The following CFAP299 variants were observed in gnomAD, a reference collection of about 807,000 sequenced individuals.
CFAP299 encodes the protein cilia- and flagella-associated protein 299.
In CFAP299, 21 loss-of-function variants were observed where a neutral mutation model predicts 27.0. That is an observed-to-expected ratio of 0.78 (90% CI 0.55 to 1.12). The LOEUF is 1.12. Among genes scored for constraint, CFAP299 ranks in the 50% most tolerant of loss-of-function variants. CFAP299 has a pLI of 0.00. For missense variants in CFAP299, 310 were observed against 276.6 expected, an observed-to-expected ratio of 1.12 and a Z score of -0.86; for synonymous variants, 104 against 98.1, an observed-to-expected ratio of 1.06 and a Z score of -0.36.
intron 3 of CFAP299, among the ~76,000 whole-genome samples, chr4:80,839,041 T>G (rs1348492851): frequency 6.6e-6 from 1 of 152,200 alleles, no homozygotes; most frequent in East Asian, 1.9e-4. Context: ...GTTCTTTTAG[T>G]GCATACAAGC....
At chr4:80,891,047 A>G (rs1734247130) in intron 4 of CFAP299, among the ~76,000 whole-genome samples, 1 of 151,664 alleles carries the variant, frequency 6.6e-6, no homozygotes, top group Non-Finnish European at 1.5e-5. Context: ...TTTGCTGTGC[A>G]GAAGCTCTTT....
intron 3 of CFAP299, among the ~76,000 whole-genome samples, chr4:80,812,384 A>G (rs1212418906): frequency 6.6e-6 from 1 of 152,132 alleles, no homozygotes; most frequent in African/African-American, 2.4e-5. Flanking sequence ...CTAACATTAC[A>G]CATAAGAGAG....
intron 2 of CFAP299, among the ~76,000 whole-genome samples, chr4:80,495,789 A>G (rs1218683205): frequency 6.6e-6 from 1 of 152,232 alleles, no homozygotes; most frequent in Non-Finnish European, 1.5e-5. Context: ...GCATCTGCTC[A>G]GCTTCTAAGG....
chr4:80,336,015 C>T (rs960333786), intron 1 of CFAP299, 136 bp downstream of exon 1: 2 of 626,850 alleles, frequency 3.2e-6, no homozygotes, highest in African/African-American at 1.8e-5. Flanking sequence ...GACCGCGACA[C>T]TAAAGCCGCT....
chr4:80,440,603 A>G (rs1481430000), intron 2 of CFAP299, among the ~76,000 whole-genome samples: 2 of 152,236 alleles, frequency 1.3e-5, no homozygotes, highest in Non-Finnish European at 2.9e-5. Flanking sequence ...GATGAGGAAA[A>G]AACAGTGCAA....
intron 3 of CFAP299, among the ~76,000 whole-genome samples, chr4:80,799,976 T>C (rs1487408180): frequency 6.8e-5 from 4 of 58,548 alleles, no homozygotes; most frequent in Non-Finnish European, 1.1e-4. Context: ...ATTTATATAA[T>C]ATAATATATG....
chr4:80,591,132 A>ATT (rs1175732560), intron 3 of CFAP299, among the ~76,000 whole-genome samples: 2 of 68,084 alleles, frequency 2.9e-5, no homozygotes, highest in Admixed American at 2.0e-4. Flanking sequence ...TTTTTTTTTT[A>ATT]TTTTTTTTTG....
At chr4:80,436,357 GGCGCGATCTCA>G (rs1728076793) in intron 2 of CFAP299, among the ~76,000 whole-genome samples, 1 of 149,256 alleles carries the variant, frequency 6.7e-6, no homozygotes, top group South Asian at 2.1e-4. Flanking sequence ...GGAGTGCAGT[GGCGCGATCTCA>G]GCTCACTGTA....
intron 3 of CFAP299, among the ~76,000 whole-genome samples, chr4:80,869,146 G>T (rs185320418): frequency 6.6e-6 from 1 of 152,200 alleles, no homozygotes; most frequent in East Asian, 1.9e-4. Context: ...TATAATTTGT[G>T]CTGCATAAAT....
At chr4:80,335,630 C>A (rs1722091161), upstream of CFAP299, 4 of 671,522 alleles carry the variant, frequency 6.0e-6, no homozygotes, top group South Asian at 6.2e-5. Context: ...ACAGAAACTG[C>A]AACAAACCGC....
At chr4:80,511,591 C>T (rs1732305795) in intron 2 of CFAP299, among the ~76,000 whole-genome samples, 1 of 152,018 alleles carries the variant, frequency 6.6e-6, no homozygotes, top group Non-Finnish European at 1.5e-5. Flanking sequence ...TAGTTACTAA[C>T]AATGAAGGTA....
chr4:80,958,882 T>G (rs1738196766), intron 5 of CFAP299, among the ~76,000 whole-genome samples: 1 of 152,176 alleles, frequency 6.6e-6, no homozygotes. Context: ...AAGACTGTTC[T>G]TTGTTGAAGA....
At chr4:80,955,387 G>A (rs143722149) in intron 5 of CFAP299, among the ~76,000 whole-genome samples, 34 of 152,330 alleles carry the variant, frequency 2.2e-4, no homozygotes, top group African/African-American at 7.9e-4. Context: ...TTTACAAAGA[G>A]TTGTTGTGAA....
At chr4:80,384,135 C>G (rs1353334809) in intron 2 of CFAP299, among the ~76,000 whole-genome samples, 12 of 152,012 alleles carry the variant, frequency 7.9e-5, no homozygotes, top group Admixed American at 7.9e-4. Flanking sequence ...TTCCTTTATC[C>G]ATTCCTTACA....
intron 4 of CFAP299, among the ~76,000 whole-genome samples, chr4:80,925,327 G>T (rs907253766): frequency 3.3e-5 from 5 of 151,858 alleles, no homozygotes; most frequent in Non-Finnish European, 5.9e-5. Flanking sequence ...TATCTTACCT[G>T]CTTCTTAAGA....
intron 4 of CFAP299, among the ~76,000 whole-genome samples, chr4:80,902,507 T>C (rs1387307241): frequency 6.8e-6 from 1 of 146,304 alleles, no homozygotes; most frequent in East Asian, 2.0e-4. Context: ...TATGGATATA[T>C]ATCCATATGT....
chr4:80,855,767 C>T (rs1458061582), intron 3 of CFAP299, among the ~76,000 whole-genome samples: 171 of 152,172 alleles, frequency 1.1e-3, no homozygotes, highest in African/African-American at 1.5e-3. Flanking sequence ...TAGTATTCCA[C>T]GGTGTATATG....
At chr4:80,530,142 C>T (rs1733398189) in intron 2 of CFAP299, among the ~76,000 whole-genome samples, 1 of 152,042 alleles carries the variant, frequency 6.6e-6, no homozygotes, top group South Asian at 2.1e-4. Context: ...GGGATTTGTA[C>T]TTCCATATGT....
chr4:80,953,581 T>C (rs1039485002), intron 5 of CFAP299, among the ~76,000 whole-genome samples: 1 of 152,182 alleles, frequency 6.6e-6, no homozygotes, highest in Non-Finnish European at 1.5e-5. Context: ...TTAAATGTCA[T>C]GTCCTCCACT....
Sources: allele counts gnomAD v4.1 joint callset (sites outside exome capture counted in the v4.1 genomes callset), GRCh38; gene constraint gnomAD v4.1.1; transcripts MANE v1.5; gene names NCBI Gene and HGNC (gene_info 2026-07-23, HGNC 2026-07-21).